Variants in WSB1 observed in about 807,000 individuals in gnomAD.
The protein encoded by WSB1 is WD repeat and SOCS box-containing protein 1.
WSB1 carries 23 observed loss-of-function variants against 50.2 expected under a neutral mutation model. That is an observed-to-expected ratio of 0.46 (90% CI 0.33 to 0.65). The LOEUF (loss-of-function observed/expected upper bound fraction) is 0.65, where lower values mean the gene tolerates loss of function less well. WSB1 is among the 30% of genes least tolerant of loss of function. WSB1 has a pLI of 0.02. For missense variants in WSB1, 492 were observed against 522.3 expected, an observed-to-expected ratio of 0.94 and a Z score of 0.56; for synonymous variants, 179 against 172.0, an observed-to-expected ratio of 1.04 and a Z score of -0.32.
rs1354147474 is a variant in WSB1, at chr17:27,296,413, G to A, written c.40+1978G>A. Among the ~76,000 whole-genome samples, 3 of 152,040 alleles carry A rather than the reference G, an allele frequency of 2.0e-5. No homozygotes were observed. In the East Asian group the frequency reaches 5.8e-4, roughly 29 times the overall value. On this transcript the variant is annotated intron_variant, in intron 1 of 8. Coordinates refer to ENST00000262394, the MANE Select transcript of WSB1 (RefSeq NM_015626.10). ...TGAATTATCATTTGGATACAAGGTT[G>A]AACATTTCTCTGCGTAGCTTTTTAA... is the stretch of plus-strand genomic sequence containing the variant.
Position 27,306,853 on chromosome 17 carries a change from A to G in WSB1, c.682A>G (p.Met228Val), listed in dbSNP as rs765769279. The G allele has an allele frequency of 6.8e-6, 11 of 1,614,190 alleles. No individual in the cohort carries two copies. Among genetic ancestry groups the G allele is most frequent in the African/African-American group, 1.3e-5 (1 of 75,054 alleles). The change falls in exon 5 of 9, where the codon ATG becomes GTG. Residue 228 changes from methionine to valine, a missense_variant. Coordinates refer to ENST00000262394, the MANE Select transcript of WSB1 (RefSeq NM_015626.10). ...YSCAFSPDSSMLCSVGASKAV... is the reference protein window; with the variant it reads ...YSCAFSPDSSVLCSVGASKAV... The stretch of plus-strand genomic sequence containing the variant: ...CTGTGCATTCTCTCCTGACTCTTCT[A>G]TGCTGTGTTCAGTCGGAGCCAGTAA...
chr17:27,307,868 A>C (rs1252071721), intron 5 of WSB1: 1 of 1,471,516 alleles, frequency 6.8e-7, no homozygotes, highest in Admixed American at 2.5e-5. Flanking sequence ...GACCTTTACC[A>C]TAGGATGAAG....
rs1202321443 is a variant in WSB1 at position 27,306,787 on chromosome 17, A to T, written c.616A>T (p.Met206Leu). 1.2e-6 allele frequency: 2 copies of T among 1,614,116 alleles called. No homozygotes were observed. The highest frequency in any genetic ancestry group is 8.5e-7 in the Non-Finnish European group (1 of 1,180,004). The change falls in exon 5 of 9, where the codon ATG (methionine) becomes TTG (leucine). Residue 206 changes from methionine (M) to leucine (L), a missense_variant. Coordinates refer to ENST00000262394, the MANE Select transcript of WSB1 (RefSeq NM_015626.10). The stretch of plus-strand genomic sequence containing the variant: ...GATTATTTCTTTTTGTTCAGGAAAC[A>T]TGATGAAAGTATTGAGGGGGCATCA... The part of the protein sequence containing the change: ...RVWDLKDDGN[M>L]MKVLRGHQNW...
intron 6 of WSB1, among the ~76,000 whole-genome samples, chr17:27,309,626 A>G (rs1227357444): frequency 6.6e-6 from 1 of 151,174 alleles, no homozygotes; most frequent in African/African-American, 2.4e-5. Context: ...CTCTGTCGCC[A>G]GGCTGGAGTG....
At chr17:27,298,313 C>T (rs1303557662) in intron 1 of WSB1, among the ~76,000 whole-genome samples, 1 of 152,028 alleles carries the variant, frequency 6.6e-6, no homozygotes, top group Non-Finnish European at 1.5e-5. Context: ...TTAAAACTTG[C>T]TTCCCTTATT....
chr17:27,302,142 G>C (rs1162347864), intron 2 of WSB1, 186 bp downstream of exon 2: 1 of 720,040 alleles, frequency 1.4e-6, no homozygotes, highest in Non-Finnish European at 2.0e-6. Flanking sequence ...CGGGCGCGGC[G>C]GCTCAGGCCT....
rs907711059 is a variant in WSB1, at chr17:27,306,202, C to CTTTTT, written c.611-556_611-552dup. Among the ~76,000 whole-genome samples the CTTTTT allele has an allele frequency of 1.2e-3, 77 of 63,148 alleles. 4 individuals carry two copies. Among genetic ancestry groups the CTTTTT allele is most frequent in the Non-Finnish European group, 1.9e-3 (64 of 33,370 alleles). 41.4% of individuals were successfully genotyped at this position (63,148 alleles called of 152,430 possible). ...GGGGATTGGACTAAAAGAATTCTGTCTTTTTTTTTTTTTTTTTTTTTTTTT... is the reference window on the plus strand; with the variant it reads ...GGGGATTGGACTAAAAGAATTCTGTCTTTTTTTTTTTTTTTTTTTTTTTTTTTTTT... On this transcript the variant is annotated intron_variant, in intron 4 of 8. Transcript: ENST00000262394.
At chr17:27,305,587 G>A (rs1447841963) in intron 4 of WSB1, among the ~76,000 whole-genome samples, 2 of 152,222 alleles carry the variant, frequency 1.3e-5, no homozygotes, top group Non-Finnish European at 2.9e-5. Flanking sequence ...GTCTGTTGGT[G>A]CTCTAACAGC....
intron 6 of WSB1, 27 bp from the exon 7 acceptor site, chr17:27,310,034 C>T (rs1421775674): frequency 2.5e-6 from 4 of 1,588,442 alleles, no homozygotes; most frequent in Non-Finnish European, 3.5e-6. Flanking sequence ...TGACTGATAT[C>T]CACTGAAAAC....
chr17:27,308,418 TATG>T (rs1046283401), intron 5 of WSB1: 3 of 984,618 alleles, frequency 3.0e-6, no homozygotes, highest in South Asian at 9.4e-5. Context: ...TCAAATGACT[TATG>T]ATCGTGGTTA....
In WSB1 at chr17:27,294,350, T is replaced by C; in HGVS notation, c.-46T>C. On this transcript the variant is annotated 5_prime_UTR_variant, in exon 1 of 9. Coordinates refer to ENST00000262394, the MANE Select transcript of WSB1 (RefSeq NM_015626.10). ...TCAGCGGTCGCCACTCTCTTCTCTG[T>C]TGTTGGGTCCGCATCGTATTCCCGG... 7 of 1,610,468 alleles carry C rather than the reference T, an allele frequency of 4.3e-6. No homozygotes were observed. The highest frequency in any genetic ancestry group is 5.1e-6 in the Non-Finnish European group (6 of 1,177,726).
chr17:27,308,508 T>C, intron 5 of WSB1: 1 of 985,826 alleles, frequency 1.0e-6, no homozygotes, highest in Non-Finnish European at 1.2e-6. Flanking sequence ...AGCATTTTCA[T>C]TTTGTAATGT....
At chr17:27,298,385 A>G (rs189901059) in intron 1 of WSB1, among the ~76,000 whole-genome samples, 2,174 of 152,206 alleles carry the variant, frequency 0.014, 56 homozygotes, top group African/African-American at 0.049. Flanking sequence ...AATGCTTTAA[A>G]AATGTTTTCA....
chr17:27,309,979 A>G (rs1411251791), intron 6 of WSB1, 82 bp from the exon 7 acceptor site: 1 of 1,083,516 alleles, frequency 9.2e-7, no homozygotes, highest in African/African-American at 1.6e-5. Flanking sequence ...AACACTATTC[A>G]AAGACAGATG....
At chr17:27,308,369 TA>T in intron 5 of WSB1, 2 of 985,356 alleles carry the variant, frequency 2.0e-6, no homozygotes, top group Non-Finnish European at 2.4e-6. Context: ...TCTAAAATTG[TA>T]TATGAACTTA....
At chr17:27,307,801 G>A (rs1597766047) in intron 5 of WSB1, 7 of 1,530,796 alleles carry the variant, frequency 4.6e-6, no homozygotes, top group Middle Eastern at 1.7e-4. Flanking sequence ...GCACACAGGC[G>A]CACAATGGTG....
intron 4 of WSB1, among the ~76,000 whole-genome samples, 192 bp downstream of exon 4, chr17:27,305,103 A>T (rs1363593341): frequency 6.6e-6 from 1 of 152,262 alleles, no homozygotes; most frequent in African/African-American, 2.4e-5. Context: ...ATAGGAGCCA[A>T]CAGTTATTCG....
chr17:27,302,015 A>C, intron 2 of WSB1, 59 bp downstream of exon 2: 7 of 1,462,882 alleles, frequency 4.8e-6, no homozygotes, highest in Non-Finnish European at 6.3e-6. Context: ...ATTTTCTCTC[A>C]GTGTAGGGTA....
At chr17:27,299,531 C>T (rs114013374) in intron 1 of WSB1, among the ~76,000 whole-genome samples, 3,707 of 152,254 alleles carry the variant, frequency 0.024, 148 homozygotes, top group African/African-American at 0.085. Context: ...AGTTATGTGA[C>T]GGCTAGTAAA....
Sources: allele counts gnomAD v4.1 joint callset (sites outside exome capture counted in the v4.1 genomes callset), GRCh38; gene constraint gnomAD v4.1.1; transcripts MANE v1.5; gene names NCBI Gene and HGNC (gene_info 2026-07-23, HGNC 2026-07-21).